The following HS3ST4 variants were observed in gnomAD, a reference collection of about 807,000 sequenced individuals.
The protein encoded by HS3ST4 is heparan sulfate glucosamine 3-O-sulfotransferase 4.
HS3ST4 carries 17 observed loss-of-function variants against 29.2 expected under a neutral mutation model. The ratio of observed to expected loss-of-function variants is 0.58; its 90% CI spans 0.40 to 0.87. HS3ST4 has a LOEUF of 0.87. Ranked by LOEUF, HS3ST4 falls within the 40% of genes least tolerant of loss-of-function variation. The pLI is 0.00. For missense variants in HS3ST4, 627 were observed against 634.5 expected (o/e 0.99, Z 0.13); for synonymous variants, 314 against 285.7 (o/e 1.10, Z -1.00).
intron 1 of HS3ST4, among the ~76,000 whole-genome samples, chr16:26,033,923 C>T (rs1969558055): frequency 1.3e-5 from 2 of 152,084 alleles, no homozygotes; most frequent in African/African-American, 4.8e-5. Context: ...ATTATGTGAA[C>T]AAAGAAAGGA....
At chr16:25,984,401 G>C (rs969744894) in intron 1 of HS3ST4, among the ~76,000 whole-genome samples, 2 of 152,144 alleles carry the variant, frequency 1.3e-5, no homozygotes, top group African/African-American at 4.8e-5. Flanking sequence ...AGAATCTAAT[G>C]CCATTGCTGA....
At chr16:25,738,580 A>G (rs943464770) in intron 1 of HS3ST4, among the ~76,000 whole-genome samples, 2 of 152,152 alleles carry the variant, frequency 1.3e-5, no homozygotes, top group Admixed American at 6.5e-5. Context: ...ATGTCCCACA[A>G]TGCTCAGGAC....
intron 1 of HS3ST4, among the ~76,000 whole-genome samples, chr16:26,001,074 A>C (rs1969207756): frequency 6.6e-6 from 1 of 152,194 alleles, no homozygotes; most frequent in Non-Finnish European, 1.5e-5. Flanking sequence ...AAGCAATAAA[A>C]GACATTATTT....
intron 1 of HS3ST4, among the ~76,000 whole-genome samples, chr16:25,700,024 G>A (rs1027643538): frequency 1.3e-5 from 2 of 151,758 alleles, no homozygotes; most frequent in South Asian, 2.1e-4. Context: ...CAGTACTGAC[G>A]GCCCTAAAGA....
At chr16:25,824,347 T>C (rs1293245316) in intron 1 of HS3ST4, among the ~76,000 whole-genome samples, 1 of 152,202 alleles carries the variant, frequency 6.6e-6, no homozygotes, top group Non-Finnish European at 1.5e-5. Context: ...TGGTCTGTTC[T>C]CACCCTGCTA....
chr16:25,721,080 G>T (rs1423368263), intron 1 of HS3ST4, among the ~76,000 whole-genome samples: 1 of 152,212 alleles, frequency 6.6e-6, no homozygotes. Flanking sequence ...CAAAGGAAGT[G>T]ACACTTCAAC....
In HS3ST4 at chr16:25,975,243, G is replaced by A. The variant is rs186471900; in HGVS notation, c.735-160369G>A. ...CTTACAAGCAGGAGCTAAACATTGG[G>A]TATACATGGACACAAAGAAGGGAAC... On this transcript the variant is annotated intron_variant, in intron 1 of 1. Coordinates refer to ENST00000331351, the MANE Select transcript of HS3ST4 (RefSeq NM_006040.3). Among the ~76,000 whole-genome samples the A allele has an allele frequency of 2.9e-4, 41 of 142,710 alleles. No individual in the cohort carries two copies. The South Asian group carries it at 0.01, about 36-fold the overall frequency. The allele number at this position is 142,710 out of a possible 152,430, so 93.6% of individuals were successfully genotyped here.
intron 1 of HS3ST4, among the ~76,000 whole-genome samples, chr16:25,847,744 T>G (rs941980620): frequency 6.6e-6 from 1 of 152,166 alleles, no homozygotes; most frequent in Non-Finnish European, 1.5e-5. Flanking sequence ...GGTGAACATA[T>G]AGGGTTTGTC....
chr16:25,881,812 C>T (rs1035395354), intron 1 of HS3ST4, among the ~76,000 whole-genome samples: 1 of 152,038 alleles, frequency 6.6e-6, no homozygotes, highest in African/African-American at 2.4e-5. Flanking sequence ...TTAGCCAGCT[C>T]GGTGACCCAC....
intron 1 of HS3ST4, among the ~76,000 whole-genome samples, chr16:25,796,634 G>A (rs537052161): frequency 1.1e-3 from 161 of 152,312 alleles, no homozygotes; most frequent in African/African-American, 3.7e-3. Context: ...CTTTGCTCGG[G>A]AAGGAATTCA....
At chr16:25,793,016 T>C (rs1269747581) in intron 1 of HS3ST4, among the ~76,000 whole-genome samples, 1 of 151,938 alleles carries the variant, frequency 6.6e-6, no homozygotes, top group East Asian at 1.9e-4. Flanking sequence ...ATTTTTGTTT[T>C]ACTCATGGTT....
rs1404731918 is a variant in HS3ST4 at position 26,136,134 on chromosome 16, C to T, written c.1257C>T (p.Arg419=). The T allele has an allele frequency of 6.2e-7, 1 of 1,613,404 alleles. No homozygotes were observed. The highest frequency in any genetic ancestry group is 8.5e-7 in the Non-Finnish European group (1 of 1,179,634). ...AGAGCAAAGGTCGGACTCATCCTCG[C>T]ATTGACCCAGATGTCATCCACAGAC... The part of the protein sequence containing the change: ...LGKSKGRTHP[R]IDPDVIHRLR... Residue 419 remains arginine (R), a synonymous_variant, in exon 2 of 2, where the codon CGC becomes CGT. Transcript: ENST00000331351.
At chr16:25,965,615 C>T (rs373160868) in intron 1 of HS3ST4, among the ~76,000 whole-genome samples, 25 of 152,220 alleles carry the variant, frequency 1.6e-4, no homozygotes, top group Admixed American at 9.8e-4. Flanking sequence ...CTGCAAAACT[C>T]GACCTTGCAA....
At chr16:25,886,134 G>A (rs909925427) in intron 1 of HS3ST4, among the ~76,000 whole-genome samples, 54 of 143,462 alleles carry the variant, frequency 3.8e-4, no homozygotes, top group African/African-American at 1.3e-3. Flanking sequence ...CTGGGTTCAA[G>A]CAATTCTCCT....
chr16:26,072,911 T>C (rs1453318869), intron 1 of HS3ST4, among the ~76,000 whole-genome samples: 1 of 152,228 alleles, frequency 6.6e-6, no homozygotes, highest in East Asian at 1.9e-4. Context: ...CCAAAAGTTG[T>C]TCATTGTAGT....
At chr16:26,013,780 T>A (rs1476888780) in intron 1 of HS3ST4, among the ~76,000 whole-genome samples, 2 of 151,910 alleles carry the variant, frequency 1.3e-5, no homozygotes, top group African/African-American at 4.8e-5. Flanking sequence ...GAGGCTAAGG[T>A]GGGCAGATCA....
At chr16:26,084,194 T>A (rs929071180) in intron 1 of HS3ST4, among the ~76,000 whole-genome samples, 2 of 152,204 alleles carry the variant, frequency 1.3e-5, no homozygotes, top group African/African-American at 4.8e-5. Context: ...ATCCTTCAGA[T>A]GTCTATGAGT....
intron 1 of HS3ST4, among the ~76,000 whole-genome samples, chr16:25,870,434 T>C (rs1018974362): frequency 6.6e-6 from 1 of 152,180 alleles, no homozygotes; most frequent in Non-Finnish European, 1.5e-5. Flanking sequence ...AAGTGACATC[T>C]GCATAAAGAT....
intron 1 of HS3ST4, among the ~76,000 whole-genome samples, chr16:26,134,362 C>CTTTTCTT (rs750289979): frequency 6.7e-4 from 51 of 76,648 alleles, no homozygotes; most frequent in East Asian, 4.7e-3. Flanking sequence ...CTTTTCTTTT[C>CTTTTCTT]TTTTTTTTTT....
Sources: gnomAD v4.1 joint callset for allele counts (sites outside exome capture counted in the v4.1 genomes callset) on GRCh38, gnomAD v4.1.1 for gene constraint, MANE v1.5 for transcripts, NCBI Gene and HGNC (gene_info 2026-07-23, HGNC 2026-07-21) for gene names.